The following CD5 variants were observed in gnomAD, a reference collection of about 807,000 sequenced individuals.
The protein encoded by CD5 is T-cell surface glycoprotein CD5.
A neutral mutation model predicts 60.3 loss-of-function variants in CD5; 36 were observed. The ratio of observed to expected loss-of-function variants is 0.60; its 90% CI spans 0.46 to 0.79. The LOEUF (loss-of-function observed/expected upper bound fraction) is 0.79. Among genes scored for constraint, CD5 ranks in the 30% least tolerant of loss-of-function variants. The pLI is 0.00. For missense variants in CD5, 540 were observed against 630.6 expected (o/e 0.86, Z 1.54); for synonymous variants, 230 against 257.6 (o/e 0.89, Z 1.03).
At chr11:61,097,820 C>A (rs1172895931), upstream of CD5, among the ~76,000 whole-genome samples, 3 of 152,126 alleles carry the variant, frequency 2.0e-5, no homozygotes, top group Admixed American at 6.5e-5. Context: ...ACCAGACCCC[C>A]ATTTACGTGC....
the CD5 span, among the ~76,000 whole-genome samples, chr11:61,096,446 C>G: frequency 6.6e-6 from 1 of 152,158 alleles, no homozygotes; most frequent in South Asian, 2.1e-4. Context: ...TAGTGACCAC[C>G]CCGGTCACCC....
intron 6 of CD5, 34 bp downstream of exon 6, chr11:61,121,938 A>G (rs370279485): frequency 1.3e-6 from 2 of 1,495,434 alleles, no homozygotes; most frequent in Non-Finnish European, 1.8e-6. Context: ...GGGTGGAAGC[A>G]GTTACTACTT....
chr11:61,100,617 G>A (rs1422007568), upstream of CD5, among the ~76,000 whole-genome samples: 1 of 53,196 alleles, frequency 1.9e-5, no homozygotes, highest in Admixed American at 2.1e-4. Context: ...CACACAACAT[G>A]GAGATCACAC....
intron 1 of CD5, among the ~76,000 whole-genome samples, chr11:61,105,997 C>T (rs1020801065): frequency 6.6e-6 from 1 of 151,998 alleles, no homozygotes; most frequent in African/African-American, 2.4e-5. Context: ...TGGTGGCACG[C>T]ACCTGTAATG....
Position 61,119,334 on chromosome 11 carries a change from G to A in CD5, c.564G>A (p.Glu188=), listed in dbSNP as rs371515716. The A allele has an allele frequency of 6.5e-5, 105 of 1,613,968 alleles. No individual in the cohort carries two copies. The highest frequency in any genetic ancestry group is 8.7e-5 in the Non-Finnish European group (103 of 1,180,032). The part of the protein sequence containing the change: ...SGSLGGTISY[E]AQDKTQDLEN... The stretch of plus-strand genomic sequence containing the variant: ...GCCTGGGGGGTACCATCAGCTATGA[G>A]GCCCAGGACAAGACCCAGGACCTGG... Residue 188 remains glutamate, a synonymous_variant, in exon 5 of 11, where the codon GAG becomes GAA. Coordinates refer to ENST00000347785, the MANE Select transcript of CD5 (RefSeq NM_014207.4).
intron 6 of CD5, among the ~76,000 whole-genome samples, chr11:61,122,293 T>G: frequency 1.9e-5 from 1 of 51,780 alleles, no homozygotes; most frequent in Non-Finnish European, 3.7e-5. Flanking sequence ...GATGGATTGG[T>G]GGGTGGGTGG....
At chr11:61,122,695 G>C (rs557058381) in intron 6 of CD5, among the ~76,000 whole-genome samples, 1 of 151,744 alleles carries the variant, frequency 6.6e-6, no homozygotes, top group South Asian at 2.1e-4. Flanking sequence ...ATGATCAACT[G>C]TTAGATGACA....
Position 61,118,111 on chromosome 11 carries a change from A to G in CD5, c.95-64A>G, listed in dbSNP as rs1860990800. 1.3e-6 allele frequency: 2 copies of G among 1,519,246 alleles called. No individual in the cohort carries two copies. 94.1% of individuals were successfully genotyped at this position (1,519,246 alleles called of 1,614,324 possible). A position where few individuals can be genotyped will look rare whatever the true frequency, so the allele number is the denominator to read the frequency against. On this transcript the variant is annotated intron_variant, in intron 2 of 10. Transcript: ENST00000347785. This position sits in a 1 kb window ranked among gnomAD's most constrained non-coding sequence, Gnocchi z 4.7. ...CAACTGGGCGTCCTAGGGAGAGGGC[A>G]GTGAGGGGTGCCAGTGGGGAACCCC...
At chr11:61,123,478 C>T (rs1441258833) in intron 7 of CD5, among the ~76,000 whole-genome samples, 3 of 152,136 alleles carry the variant, frequency 2.0e-5, no homozygotes, top group Non-Finnish European at 4.4e-5. Flanking sequence ...CTTGTGAACG[C>T]GGGGGGTTGT....
chr11:61,122,870 A>AG (rs1861088064), intron 6 of CD5, 37 bp from the exon 7 acceptor site: 1 of 1,579,036 alleles, frequency 6.3e-7, no homozygotes, highest in Non-Finnish European at 8.6e-7. Context: ...TTCTCCCCCC[A>AG]GGACTGGGAC....
chr11:61,101,020 TCA>T (rs796569050), upstream of CD5, among the ~76,000 whole-genome samples: 11 of 93,884 alleles, frequency 1.2e-4, no homozygotes, highest in African/African-American at 2.8e-4. Flanking sequence ...AACATGGAGA[TCA>T]CACACACACA....
chr11:61,113,194 A>T (rs7932247), intron 1 of CD5, among the ~76,000 whole-genome samples: 11,190 of 152,332 alleles, frequency 0.073, 436 homozygotes, highest in Non-Finnish European at 0.1. Flanking sequence ...GAGTAAACCC[A>T]AGTCGGACAG....
At chr11:61,117,213 CA>C (rs1860978969) in intron 2 of CD5, among the ~76,000 whole-genome samples, 1 of 152,160 alleles carries the variant, frequency 6.6e-6, no homozygotes, top group South Asian at 2.1e-4. Context: ...CGAAAAAAGC[CA>C]AATCAAACAA....
chr11:61,099,345 AG>A (rs1328506441), upstream of CD5, among the ~76,000 whole-genome samples: 61 of 118,772 alleles, frequency 5.1e-4, no homozygotes, highest in Non-Finnish European at 9.7e-4. Flanking sequence ...AGATCACACA[AG>A]TCAACATGGA....
intron 1 of CD5, among the ~76,000 whole-genome samples, chr11:61,105,004 C>A (rs1028728081): frequency 1.3e-5 from 2 of 152,260 alleles, no homozygotes; most frequent in Non-Finnish European, 2.9e-5. Context: ...ACACCAAGGG[C>A]CAGGGTTGCT....
chr11:61,115,093 A>C lies in CD5; in HGVS notation c.93A>C (p.Pro31=). The C allele has an allele frequency of 4.5e-6, 7 of 1,556,564 alleles. No homozygotes were observed. The highest frequency in any genetic ancestry group is 6.1e-6 in the Non-Finnish European group (7 of 1,149,496). ...TCGGACGGCTCAGCTGGTATGACCC[A>C]GGTAAGGAAGAGCCACATGGAGAAA... The part of the protein sequence containing the change: ...SCLGRLSWYD[P]DFQARLTRSN... The change falls in exon 2 of 11, where the codon CCA becomes CCC. Residue 31 remains proline (P), a splice_region_variant and synonymous_variant. Coordinates refer to ENST00000347785, the MANE Select transcript of CD5 (RefSeq NM_014207.4).
chr11:61,126,018 G>A (rs1204466960), intron 10 of CD5, among the ~76,000 whole-genome samples, 177 bp downstream of exon 10: 2 of 152,242 alleles, frequency 1.3e-5, no homozygotes, highest in African/African-American at 2.4e-5. Context: ...GGTTATACGA[G>A]CTGATTTGAC....
At chr11:61,110,325 A>G (rs1271406764) in intron 1 of CD5, among the ~76,000 whole-genome samples, 1 of 152,216 alleles carries the variant, frequency 6.6e-6, no homozygotes. Flanking sequence ...TCCCTCCACC[A>G]GCTGCTGAAA....
chr11:61,108,134 G>A lies in CD5; in HGVS notation c.55+5519G>A, dbSNP rs151033310. 5.6e-3 allele frequency among the ~76,000 whole-genome samples: 857 copies of A among 152,294 alleles called. 15 individuals are homozygous for A. The highest frequency in any genetic ancestry group is 0.019 in the African/African-American group (801 of 41,560). ...ATGGTCCCTTCTTCACAGGGCTGTG[G>A]GTAGAAAGAACAAGTCTAGTGCATG... On this transcript the variant is annotated intron_variant, in intron 1 of 10. Transcript: ENST00000347785.
Sources: gnomAD v4.1 joint callset for allele counts (sites outside exome capture counted in the v4.1 genomes callset) on GRCh38, gnomAD v4.1.1 for gene constraint, Gnocchi (gnomAD v3.1) non-coding constraint, MANE v1.5 for transcripts, NCBI Gene and HGNC (gene_info 2026-07-23, HGNC 2026-07-21) for gene names.